RIMS1: variants seen among roughly 807,000 people sequenced by gnomAD.
RIMS1 encodes the protein regulating synaptic membrane exocytosis protein 1.
In RIMS1, 83 loss-of-function variants were observed where a neutral mutation model predicts 214.1. The ratio of observed to expected loss-of-function variants is 0.39; its 90% CI spans 0.32 to 0.47. The LOEUF (loss-of-function observed/expected upper bound fraction) is 0.47. RIMS1 is among the 20% of genes least tolerant of loss of function. RIMS1 has a pLI of 0.99. For synonymous variants in RIMS1, 793 were observed against 786.8 expected (o/e 1.01, Z -0.13); for missense variants, 2,050 against 2,161.8 (o/e 0.95, Z 1.03).
chr6:72,089,770 AAATGTCCAAC>A (rs1303649843), intron 2 of RIMS1, among the ~76,000 whole-genome samples: 205 of 144,436 alleles, frequency 1.4e-3, no homozygotes, highest in African/African-American at 4.7e-3. Flanking sequence ...GAACCAACCC[AAATGTCCAAC>A]AATGATAGAC....
intron 1 of RIMS1, among the ~76,000 whole-genome samples, chr6:71,893,539 A>G (rs1770635995): frequency 6.6e-6 from 1 of 152,148 alleles, no homozygotes; most frequent in Admixed American, 6.5e-5. Context: ...TCATTTTCAG[A>G]ATTAGCTGAA....
At chr6:71,993,516 A>G (rs888259162) in intron 2 of RIMS1, among the ~76,000 whole-genome samples, 1 of 152,174 alleles carries the variant, frequency 6.6e-6, no homozygotes, top group African/African-American at 2.4e-5. Context: ...TAATTTTTAA[A>G]TGGGAAGACT....
chr6:71,923,418 C>T (rs546714006), intron 1 of RIMS1, among the ~76,000 whole-genome samples: 1 of 152,288 alleles, frequency 6.6e-6, no homozygotes, highest in East Asian at 1.9e-4. Flanking sequence ...GGAGCACTGT[C>T]TTTCTCAGTC....
At chr6:72,170,303 A>G (rs568329115) in intron 4 of RIMS1, among the ~76,000 whole-genome samples, 4 of 152,052 alleles carry the variant, frequency 2.6e-5, no homozygotes, top group Non-Finnish European at 5.9e-5. Flanking sequence ...AGTACTTATC[A>G]CCATCTATAA....
At chr6:72,233,974 A>G (rs1172829811) in intron 7 of RIMS1, 134 bp downstream of exon 7, 6 of 549,164 alleles carry the variant, frequency 1.1e-5, no homozygotes, top group Non-Finnish European at 1.9e-5. Context: ...AGATAGTACA[A>G]TTTTGAAGAA....
chr6:71,914,884 T>C (rs1247705188), intron 1 of RIMS1, among the ~76,000 whole-genome samples: 1 of 152,152 alleles, frequency 6.6e-6, no homozygotes, highest in African/African-American at 2.4e-5. Flanking sequence ...TGGCTTTAGG[T>C]TGCATGAGGG....
At chr6:72,379,761 T>G (rs2098454111) in intron 29 of RIMS1, among the ~76,000 whole-genome samples, 2 of 152,002 alleles carry the variant, frequency 1.3e-5, no homozygotes, top group Admixed American at 1.3e-4. Context: ...GAAACTAAGG[T>G]GTAAAAGGCT....
chr6:71,958,414 T>G (rs1791943336), intron 1 of RIMS1, among the ~76,000 whole-genome samples: 1 of 152,150 alleles, frequency 6.6e-6, no homozygotes, highest in Non-Finnish European at 1.5e-5. Flanking sequence ...TAAGAACGTG[T>G]GCTTCCTGAA....
chr6:71,985,294 G>A (rs1235997197), intron 2 of RIMS1, among the ~76,000 whole-genome samples: 4 of 152,050 alleles, frequency 2.6e-5, no homozygotes, highest in South Asian at 2.1e-4. Flanking sequence ...GGGAGGCTGC[G>A]GTGGGAGGGC....
At chr6:71,905,900 C>T (rs1775117326) in intron 1 of RIMS1, among the ~76,000 whole-genome samples, 2 of 152,096 alleles carry the variant, frequency 1.3e-5, no homozygotes, top group African/African-American at 4.8e-5. Context: ...TATCTGATAA[C>T]TACTCATCTA....
chr6:72,261,615 T>A (rs1456208509), intron 19 of RIMS1: 1 of 984,726 alleles, frequency 1.0e-6, no homozygotes, highest in Non-Finnish European at 1.2e-6. Flanking sequence ...ATAATCGAAC[T>A]CAAATATTTT....
At chr6:72,121,730 T>C (rs144605551) in intron 4 of RIMS1, among the ~76,000 whole-genome samples, 10,444 of 151,958 alleles carry the variant, frequency 0.069, 611 homozygotes, top group Non-Finnish European at 0.095. Context: ...TGTCTTGTGC[T>C]AGTTTTCAAA....
At chr6:72,352,265 T>C (rs966101284) in intron 29 of RIMS1, among the ~76,000 whole-genome samples, 1 of 152,214 alleles carries the variant, frequency 6.6e-6, no homozygotes, top group African/African-American at 2.4e-5. Context: ...TAATTGTAGA[T>C]ATTAATGAAG....
chr6:72,209,644 G>C (rs1006407031), intron 6 of RIMS1, among the ~76,000 whole-genome samples: 1 of 152,168 alleles, frequency 6.6e-6, no homozygotes, highest in African/African-American at 2.4e-5. Context: ...GCTCATGCCT[G>C]TAATCCCAGC....
intron 2 of RIMS1, among the ~76,000 whole-genome samples, chr6:72,030,977 C>G (rs938389314): frequency 1.1e-4 from 17 of 152,110 alleles, no homozygotes; most frequent in African/African-American, 3.9e-4. Flanking sequence ...ATTTGTCTAC[C>G]ATCCCTTTCT....
chr6:72,257,613 T>C (rs761133727), intron 16 of RIMS1, among the ~76,000 whole-genome samples: 2 of 152,140 alleles, frequency 1.3e-5, no homozygotes, highest in African/African-American at 2.4e-5. Context: ...CTGCTACTCT[T>C]CTTTGTTAAT....
At chr6:72,188,641 T>G (rs1333157154) in intron 6 of RIMS1, among the ~76,000 whole-genome samples, 2 of 152,212 alleles carry the variant, frequency 1.3e-5, no homozygotes, top group Non-Finnish European at 2.9e-5. Context: ...CTTTATTTCC[T>G]TTGCCTTCTG....
At chr6:72,113,008 C>A (rs1220273965) in intron 4 of RIMS1, among the ~76,000 whole-genome samples, 1 of 152,132 alleles carries the variant, frequency 6.6e-6, no homozygotes, top group African/African-American at 2.4e-5. Flanking sequence ...TTGGCACAAT[C>A]CCTGTACCTT....
chr6:71,947,439 A>C (rs906052843), intron 1 of RIMS1, among the ~76,000 whole-genome samples: 1 of 152,134 alleles, frequency 6.6e-6, no homozygotes, highest in Non-Finnish European at 1.5e-5. Flanking sequence ...TAATTGAAAT[A>C]AGCCAGGTAC....
Sources: gnomAD v4.1 joint callset for allele counts (sites outside exome capture counted in the v4.1 genomes callset) on GRCh38, gnomAD v4.1.1 for gene constraint, MANE v1.5 for transcripts, NCBI Gene and HGNC (gene_info 2026-07-23, HGNC 2026-07-21) for gene names.